The following ABCB1 variants were observed in gnomAD, a reference collection of about 807,000 sequenced individuals.
The protein encoded by ABCB1 is ATP binding cassette subfamily B member 1, also known as ATP-dependent translocase ABCB1.
A neutral mutation model predicts 142.0 loss-of-function variants in ABCB1; 69 were observed. That is an observed-to-expected ratio of 0.49 (90% CI 0.40 to 0.59). ABCB1 has a LOEUF of 0.59. Ranked by LOEUF, ABCB1 falls within the 20% of genes least tolerant of loss-of-function variation. The pLI, the probability that ABCB1 is intolerant of heterozygous loss-of-function variation, is 0.00. For synonymous variants in ABCB1, 532 were observed against 539.2 expected, an observed-to-expected ratio of 0.99 and a Z score of 0.18; for missense variants, 1,326 against 1,554.7, an observed-to-expected ratio of 0.85 and a Z score of 2.47.
At chr7:87,637,887 G>A (rs1156920310) in intron 1 of ABCB1, among the ~76,000 whole-genome samples, 1 of 151,446 alleles carries the variant, frequency 6.6e-6, no homozygotes, top group Non-Finnish European at 1.5e-5. Flanking sequence ...AATCTTTATG[G>A]CTTTTCTTTT....
chr7:87,555,593 C>A (rs996482012), intron 8 of ABCB1, among the ~76,000 whole-genome samples: 1 of 152,140 alleles, frequency 6.6e-6, no homozygotes, highest in Admixed American at 6.6e-5. Context: ...GAAATTTAAA[C>A]AGAACTTCAT....
intron 25 of ABCB1, among the ~76,000 whole-genome samples, chr7:87,510,129 C>G (rs1007991528): frequency 6.6e-6 from 1 of 152,096 alleles, no homozygotes; most frequent in African/African-American, 2.4e-5. Flanking sequence ...TTGTTTTAAG[C>G]CACTGAATTT....
intron 1 of ABCB1, among the ~76,000 whole-genome samples, chr7:87,703,885 C>CTTTTTTTTTTTTTTTTTTTTTTTTTTGTT (rs1829314546): frequency 1.7e-5 from 1 of 60,282 alleles, no homozygotes; most frequent in African/African-American, 6.3e-5. Context: ...TCAGTTTTTT[C>CTTTTTTTTTTTTTTTTTTTTTTTTTTGTT]TTTTTTTTTT....
intron 1 of ABCB1, among the ~76,000 whole-genome samples, chr7:87,611,063 T>A (rs1819833006): frequency 6.6e-6 from 1 of 152,172 alleles, no homozygotes; most frequent in Non-Finnish European, 1.5e-5. Context: ...TCTAATTAAC[T>A]CCCTTCGTAA....
In ABCB1 at chr7:87,633,681, T is replaced by A. The variant is rs542063598; in HGVS notation, c.-330-32603A>T. On this transcript the variant is annotated intron_variant, in intron 1 of 28. Transcript: ENST00000265724. ...ATCAGGTGTTTAATTTTTTTTTTTT[T>A]AAAAAGCACCCAGAGGCCTGAGTTA... Among the ~76,000 whole-genome samples the A allele has an allele frequency of 9.8e-3, 1,486 of 151,888 alleles. 15 individuals carry two copies. Among genetic ancestry groups the A allele is most frequent in the Non-Finnish European group, 0.015 (1,008 of 67,938 alleles).
chr7:87,627,065 C>T (rs192356538), intron 1 of ABCB1, among the ~76,000 whole-genome samples: 15 of 152,204 alleles, frequency 9.9e-5, no homozygotes, highest in African/African-American at 2.2e-4. Flanking sequence ...TCAGCCACCG[C>T]GCCCAGCCCA....
At chr7:87,620,374 C>T (rs564396934) in intron 1 of ABCB1, among the ~76,000 whole-genome samples, 4 of 152,132 alleles carry the variant, frequency 2.6e-5, no homozygotes, top group African/African-American at 7.2e-5. Flanking sequence ...TGGTCAGGCT[C>T]GTCTCGAACT....
chr7:87,636,397 C>T (rs187451214), intron 1 of ABCB1, among the ~76,000 whole-genome samples: 1 of 152,276 alleles, frequency 6.6e-6, no homozygotes, highest in African/African-American at 2.4e-5. Flanking sequence ...CAATTCAAGT[C>T]ACTTAGCAAC....
At chr7:87,515,814 C>T (rs1007540812) in intron 24 of ABCB1, among the ~76,000 whole-genome samples, 1 of 151,726 alleles carries the variant, frequency 6.6e-6, no homozygotes, top group African/African-American at 2.4e-5. Flanking sequence ...CCAAGCTGGT[C>T]TCGAACTCCT....
rs17149850 is a variant in ABCB1, at chr7:87,691,037, A to G, written c.-331+22124T>C. 3.1e-3 allele frequency among the ~76,000 whole-genome samples: 474 copies of G among 152,282 alleles called. 6 individuals are homozygous for G. In the East Asian group the frequency reaches 0.049, roughly 16 times the overall value. On this transcript the variant is annotated intron_variant, in intron 1 of 28. Transcript: ENST00000265724. ...ATTATATCAATCACGATAGTGATTCAATGATCAAAGAAATGGAAATGAATA... is the reference window on the plus strand; with the variant it reads ...ATTATATCAATCACGATAGTGATTCGATGATCAAAGAAATGGAAATGAATA...
At chr7:87,710,929 T>C (rs1470478340) in intron 1 of ABCB1, among the ~76,000 whole-genome samples, 3 of 152,200 alleles carry the variant, frequency 2.0e-5, no homozygotes, top group African/African-American at 7.2e-5. Flanking sequence ...TGAAGCTTCA[T>C]TCTCCCCATA....
At chr7:87,683,591 A>T (rs758006255) in intron 1 of ABCB1, among the ~76,000 whole-genome samples, 7 of 152,198 alleles carry the variant, frequency 4.6e-5, no homozygotes, top group Non-Finnish European at 8.8e-5. Context: ...AGCATTCAGA[A>T]CACACACATT....
At chr7:87,680,394 T>C (rs1826808161) in intron 1 of ABCB1, among the ~76,000 whole-genome samples, 2 of 150,818 alleles carry the variant, frequency 1.3e-5, no homozygotes, top group South Asian at 2.1e-4. Flanking sequence ...TGTATCAAAA[T>C]GTGTAGCATG....
chr7:87,700,604 A>G, intron 1 of ABCB1: 1 of 1,550,340 alleles, frequency 6.5e-7, no homozygotes, highest in Non-Finnish European at 8.8e-7. Context: ...CATTGCATGT[A>G]TTTGGAATAG....
At chr7:87,650,993 G>A (rs1049175420) in intron 1 of ABCB1, 6 of 955,760 alleles carry the variant, frequency 6.3e-6, no homozygotes, top group Non-Finnish European at 1.0e-5. Flanking sequence ...TAATAAGCTT[G>A]AAATTTTAGA....
intron 1 of ABCB1, among the ~76,000 whole-genome samples, chr7:87,695,824 A>C (rs1270155806): frequency 6.6e-6 from 1 of 152,090 alleles, no homozygotes; most frequent in East Asian, 1.9e-4. Flanking sequence ...AATAAGATAC[A>C]AACAAAACAC....
rs190285734 is a variant in ABCB1 at position 87,571,675 on chromosome 7, C to A, written c.287-1452G>T. ...ATAAGAAGTCAGCAAAAAGAGCTAC[C>A]CTGGTCAGAGGAGAGATTATTAGTT... On this transcript the variant is annotated intron_variant, in intron 4 of 27. Transcript: ENST00000622132. 2.0e-5 allele frequency among the ~76,000 whole-genome samples: 3 copies of A among 152,120 alleles called. No homozygotes were observed. In the South Asian group the frequency reaches 6.2e-4, roughly 32 times the overall value.
At chr7:87,634,902 A>G (rs1015202627) in intron 1 of ABCB1, among the ~76,000 whole-genome samples, 3 of 152,180 alleles carry the variant, frequency 2.0e-5, no homozygotes, top group Non-Finnish European at 4.4e-5. Flanking sequence ...GATGCGCACA[A>G]TGGAGGTAGG....
At chr7:87,625,804 T>A (rs1056233769) in intron 1 of ABCB1, among the ~76,000 whole-genome samples, 8 of 152,074 alleles carry the variant, frequency 5.3e-5, no homozygotes, top group African/African-American at 1.9e-4. Context: ...GTGCACTGAC[T>A]AGTCACAAAC....
Sources: gnomAD v4.1 joint callset for allele counts (sites outside exome capture counted in the v4.1 genomes callset) on GRCh38, gnomAD v4.1.1 for gene constraint, MANE v1.5 for transcripts, NCBI Gene and HGNC (gene_info 2026-07-23, HGNC 2026-07-21) for gene names.